RANBP2: variants seen among roughly 807,000 people sequenced by gnomAD.
RANBP2 encodes RAN binding protein 2, also known as E3 SUMO-protein ligase RanBP2.
A neutral mutation model predicts 303.6 loss-of-function variants in RANBP2; 57 were observed. The observed-to-expected ratio is 0.19, with a 90% CI of 0.15 to 0.23. The LOEUF (loss-of-function observed/expected upper bound fraction) is 0.23. Among genes scored for constraint, RANBP2 ranks in the 10% least tolerant of loss-of-function variants. The probability of loss-of-function intolerance (pLI) is 1.00; values close to 1 mark genes in which losing one functional copy is unlikely to be tolerated. For missense variants in RANBP2, 3,138 were observed against 3,780.8 expected (o/e 0.83, Z 4.46); for synonymous variants, 1,167 against 1,301.5 (o/e 0.90, Z 2.23).
the RANBP2 span, among the ~76,000 whole-genome samples, chr2:109,276,689 G>T: frequency 6.6e-6 from 1 of 152,170 alleles, no homozygotes; most frequent in Non-Finnish European, 1.5e-5. Flanking sequence ...GTCAGATAGA[G>T]ACCCTTTTTG....
the RANBP2 span, among the ~76,000 whole-genome samples, chr2:109,606,517 A>G: frequency 1.3e-5 from 2 of 152,214 alleles, no homozygotes; most frequent in African/African-American, 4.8e-5. Flanking sequence ...TAGTGGACAT[A>G]GTTATAGCCA....
the RANBP2 span, among the ~76,000 whole-genome samples, chr2:109,058,475 T>G: frequency 2.0e-5 from 3 of 152,306 alleles, no homozygotes; most frequent in South Asian, 6.2e-4. Context: ...TCCTGAGATA[T>G]TTATAGACTC....
At chr2:109,506,131 T>C in the RANBP2 span, among the ~76,000 whole-genome samples, 1 of 152,122 alleles carries the variant, frequency 6.6e-6, no homozygotes, top group Non-Finnish European at 1.5e-5. Context: ...TGAACAGTAG[T>C]CTACCACTTG....
At chr2:109,778,245 C>T in the RANBP2 span, among the ~76,000 whole-genome samples, 1 of 135,604 alleles carries the variant, frequency 7.4e-6, no homozygotes, top group Non-Finnish European at 1.6e-5. Flanking sequence ...AGCTTCAGCT[C>T]CACTGTGGGG....
In RANBP2 at chr2:108,766,542, T is replaced by C. The variant is rs1677135769; in HGVS notation, c.6003T>C (p.Asp2001=). 1 of 1,611,970 alleles carries C rather than the reference T, an allele frequency of 6.2e-7. No individual in the cohort carries two copies. Among genetic ancestry groups the C allele is most frequent in the Non-Finnish European group, 8.5e-7 (1 of 1,179,842 alleles). Residue 2001 remains aspartate, a synonymous_variant, in exon 20 of 29, where the codon GAT becomes GAC. Coordinates refer to ENST00000283195, the MANE Select transcript of RANBP2 (RefSeq NM_006267.5). ...CCGGTGACTTTGAGAAAGATGATGA[T>C]GCCTATAAGACTGAGGACAGCGATG... The part of the protein sequence containing the change: ...NTSGDFEKDD[D]AYKTEDSDDI...
At chr2:108,854,092 TTA>T in the RANBP2 span, among the ~76,000 whole-genome samples, 297 of 133,640 alleles carry the variant, frequency 2.2e-3, 2 homozygotes, top group African/African-American at 7.9e-3. Context: ...TAAATTTATA[TTA>T]TATATATAAT....
the RANBP2 span, among the ~76,000 whole-genome samples, chr2:109,100,428 C>T: frequency 5.3e-5 from 8 of 152,130 alleles, no homozygotes; most frequent in Non-Finnish European, 1.5e-5. Context: ...CTGAAACAAT[C>T]CCCCAACCCC....
the RANBP2 span, among the ~76,000 whole-genome samples, chr2:109,606,642 TA>T: frequency 0.89 from 122,156 of 137,234 alleles, 54,453 homozygotes; most frequent in Middle Eastern, 0.97. Context: ...TCCCTTTTAT[TA>T]AAAAAAAAAT....
At chr2:108,761,600 T>C (rs1676735851) in intron 18 of RANBP2, among the ~76,000 whole-genome samples, 1 of 152,136 alleles carries the variant, frequency 6.6e-6, no homozygotes, top group Admixed American at 6.5e-5. Flanking sequence ...TTTATGTTAT[T>C]TATGACATCC....
chr2:109,740,257 G>A, the RANBP2 span, among the ~76,000 whole-genome samples: 2 of 151,912 alleles, frequency 1.3e-5, no homozygotes, highest in Non-Finnish European at 2.9e-5. Context: ...AAAGTGCTGT[G>A]ATTACAGGCG....
the RANBP2 span, among the ~76,000 whole-genome samples, chr2:109,216,441 G>A: frequency 2.0e-5 from 3 of 152,228 alleles, no homozygotes; most frequent in African/African-American, 7.2e-5. Flanking sequence ...TGAGTCCAGG[G>A]GAGTTGGTCA....
the RANBP2 span, among the ~76,000 whole-genome samples, chr2:109,213,195 G>T: frequency 1.3e-5 from 2 of 152,206 alleles, no homozygotes; most frequent in African/African-American, 4.8e-5. Context: ...CTCTTCCTTG[G>T]CAAGAACTCT....
At position 108,749,065 on chromosome 2, in the gene RANBP2, C is replaced by G; in HGVS notation, c.1209C>G (p.Ser403Arg). 6.2e-7 allele frequency: 1 copy of G among 1,611,688 alleles called. No homozygotes were observed. The highest frequency in any genetic ancestry group is 8.5e-7 in the Non-Finnish European group (1 of 1,179,832). Reference sequence around the variant, plus strand: ...CTAAGGATACATCTTTTCTTGGTAGCGATGATATTGGAAACATTGATGTAC... The same window carrying G: ...CTAAGGATACATCTTTTCTTGGTAGGGATGATATTGGAAACATTGATGTAC... ...QSPKDTSFLG[S>R]DDIGNIDVRE... The change falls in exon 9 of 29, where the codon AGC becomes AGG. Residue 403 changes from serine (S) to arginine (R), a missense_variant. By Grantham distance (110) the Ser-to-Arg change is moderately radical. Transcript: ENST00000283195.
chr2:108,912,687 C>T, the RANBP2 span: 25 of 1,593,692 alleles, frequency 1.6e-5, no homozygotes, highest in Non-Finnish European at 1.9e-5. Context: ...CCTTTGTGGG[C>T]GTGCTGGAAG....
the RANBP2 span, among the ~76,000 whole-genome samples, chr2:109,372,885 A>C: frequency 6.6e-6 from 1 of 152,224 alleles, no homozygotes; most frequent in South Asian, 2.1e-4. Flanking sequence ...GTGTGCAGAT[A>C]CTTAAAGATG....
the RANBP2 span, among the ~76,000 whole-genome samples, chr2:108,811,378 G>A: frequency 6.6e-6 from 1 of 150,890 alleles, no homozygotes. Context: ...CTTAGTAGCT[G>A]GGACTGCAGG....
the RANBP2 span, among the ~76,000 whole-genome samples, chr2:108,853,967 A>C: frequency 1.8e-5 from 2 of 112,914 alleles, no homozygotes; most frequent in East Asian, 2.1e-4. Context: ...TATATAATAA[A>C]ATATATATAA....
chr2:109,056,614 G>A, the RANBP2 span, among the ~76,000 whole-genome samples: 1 of 152,260 alleles, frequency 6.6e-6, no homozygotes, highest in East Asian at 1.9e-4. Flanking sequence ...TTTCCTATTG[G>A]ATTATAAGAT....
the RANBP2 span, among the ~76,000 whole-genome samples, chr2:109,505,974 A>G: frequency 0.079 from 12,073 of 152,264 alleles, 613 homozygotes; most frequent in East Asian, 0.22. Context: ...GAAATTACAC[A>G]GCAACCCATC....
Sources: allele counts gnomAD v4.1 joint callset (sites outside exome capture counted in the v4.1 genomes callset), GRCh38; gene constraint gnomAD v4.1.1; transcripts MANE v1.5; gene names NCBI Gene and HGNC (gene_info 2026-07-23, HGNC 2026-07-21).